Variants in ABLIM2 observed in about 807,000 individuals in gnomAD.
ABLIM2 encodes actin-binding LIM protein 2.
Under a neutral mutation model 97.7 loss-of-function variants are expected in ABLIM2, and 53 were observed. That is an observed-to-expected ratio of 0.54 (90% CI 0.44 to 0.68). The LOEUF (loss-of-function observed/expected upper bound fraction) is 0.68. Among genes scored for constraint, ABLIM2 ranks in the 30% least tolerant of loss-of-function variants. The probability of loss-of-function intolerance (pLI) is 0.00; values close to 1 mark genes in which losing one functional copy is unlikely to be tolerated. For missense variants in ABLIM2, 835 were observed against 867.2 expected (o/e 0.96, Z 0.47); for synonymous variants, 361 against 345.8 (o/e 1.04, Z -0.49).
chr4:8,102,458 C>A (rs1835145064), intron 2 of ABLIM2, among the ~76,000 whole-genome samples: 1 of 152,226 alleles, frequency 6.6e-6, no homozygotes, highest in African/African-American at 2.4e-5. Context: ...TGGTCCCCAT[C>A]CCCATAACGG....
In ABLIM2 at chr4:8,155,506, C is replaced by T. The variant is rs1715008777; in HGVS notation, c.10+3174G>A. Reference sequence around the variant, plus strand: ...TCATGTCCCTTCCAGTTCCATGATCCTAAGAGCAGCATGGAAACAGAAGGC... The same window carrying T: ...TCATGTCCCTTCCAGTTCCATGATCTTAAGAGCAGCATGGAAACAGAAGGC... On this transcript the variant is annotated intron_variant, in intron 1 of 20. Transcript: ENST00000447017. The surrounding 1 kb of genome is among the most constrained non-coding windows in gnomAD (Gnocchi z 4.2). Among the ~76,000 whole-genome samples the T allele has an allele frequency of 6.6e-6, 1 of 152,148 alleles. No homozygotes were observed. Among genetic ancestry groups the T allele is most frequent in the South Asian group, 2.1e-4 (1 of 4,828 alleles).
rs557681653 is a variant in ABLIM2 at position 8,011,541 on chromosome 4, A to T, written c.1424-2439T>A. Among the ~76,000 whole-genome samples the T allele has an allele frequency of 2.6e-4, 40 of 152,326 alleles. No individual in the cohort carries two copies. In the South Asian group the frequency reaches 8.3e-3, roughly 32 times the overall value. ...CACCCCTCCACGTTGTGAGGATCAC[A>T]TGAGATAACCTGCATGGATGCTGGA... On this transcript the variant is annotated intron_variant, in intron 14 of 20. Transcript: ENST00000447017.
chr4:8,064,754 C>T (rs915270823), intron 6 of ABLIM2, among the ~76,000 whole-genome samples: 1 of 152,102 alleles, frequency 6.6e-6, no homozygotes, highest in Non-Finnish European at 1.5e-5. Context: ...GGCTAGGGTG[C>T]CCTTGGGGAC....
chr4:7,970,642 G>T lies in ABLIM2; in HGVS notation c.1825-3539C>A, dbSNP rs1320066. 0.063 allele frequency among the ~76,000 whole-genome samples: 9,520 copies of T among 151,796 alleles called. 517 individuals are homozygous for T. The highest frequency in any genetic ancestry group is 0.19 in the East Asian group (986 of 5,080). ...AGCAGGAAGGCTGGCAGGGTGTTGG[G>T]AGGTGGGTGTGGGAAGCAGAGGTGC... On this transcript the variant is annotated intron_variant, in intron 20 of 20. Coordinates refer to ENST00000447017, the MANE Select transcript of ABLIM2 (RefSeq NM_001130083.2). This position sits in a 1 kb window ranked among gnomAD's most constrained non-coding sequence, Gnocchi z 5.3.
Position 8,150,173 on chromosome 4 carries a change from G to T in ABLIM2, c.10+8507C>A, listed in dbSNP as rs1168808966. ...ATGCTCCTTGGAATTCTTCCTTCTG[G>T]GCACTTCGTGTCCAGCTGCAGCATC... On this transcript the variant is annotated intron_variant, in intron 1 of 20. Transcript: ENST00000447017. The surrounding 1 kb of genome is among the most constrained non-coding windows in gnomAD (Gnocchi z 6.3). 1.3e-5 allele frequency among the ~76,000 whole-genome samples: 2 copies of T among 152,148 alleles called. No homozygotes were observed. Among genetic ancestry groups the T allele is most frequent in the Non-Finnish European group, 2.9e-5 (2 of 68,030 alleles).
At chr4:8,133,548 G>A (rs757212248) in intron 1 of ABLIM2, among the ~76,000 whole-genome samples, 8 of 152,110 alleles carry the variant, frequency 5.3e-5, no homozygotes, top group Non-Finnish European at 7.4e-5. Flanking sequence ...GTCCTCTTTG[G>A]GGCGCACTAG....
chr4:8,060,943 C>T, intron 7 of ABLIM2, 24 bp downstream of exon 7: 1 of 1,553,552 alleles, frequency 6.4e-7, no homozygotes, highest in Non-Finnish European at 8.7e-7. Flanking sequence ...TCTAGGGGAC[C>T]AAACAACACA....
chr4:7,979,649 C>G (rs1466576941), intron 20 of ABLIM2, among the ~76,000 whole-genome samples: 1 of 152,178 alleles, frequency 6.6e-6, no homozygotes, highest in Non-Finnish European at 1.5e-5. Flanking sequence ...AGAGAAGACC[C>G]CTTTCCTCAT....
chr4:8,128,858 C>T lies in ABLIM2; in HGVS notation c.11-22221G>A, dbSNP rs535738337. 2.0e-5 allele frequency among the ~76,000 whole-genome samples: 3 copies of T among 152,278 alleles called. No individual in the cohort carries two copies. Among genetic ancestry groups the T allele is most frequent in the South Asian group, 2.1e-4 (1 of 4,820 alleles). ...ACCACATGAGGGTGCGAGGAAAAGG[C>T]GGCTGTCTGCAGCTCAGAAGAGGGC... On this transcript the variant is annotated intron_variant, in intron 1 of 20. Transcript: ENST00000447017. This position sits in a 1 kb window ranked among gnomAD's most constrained non-coding sequence, Gnocchi z 4.9.
rs200495159 is a variant in ABLIM2 at position 8,032,200 on chromosome 4, G to GAA, written c.1048-2426_1048-2425dup. 5.7e-5 allele frequency among the ~76,000 whole-genome samples: 8 copies of GAA among 139,410 alleles called. No individual in the cohort carries two copies. Among genetic ancestry groups the GAA allele is most frequent in the East Asian group, 2.1e-4 (1 of 4,864 alleles). 91.5% of individuals were successfully genotyped at this position (139,410 alleles called of 152,430 possible). On this transcript the variant is annotated intron_variant, in intron 10 of 20. Transcript: ENST00000447017. This position sits in a 1 kb window ranked among gnomAD's most constrained non-coding sequence, Gnocchi z 4.3. Reference sequence around the variant, plus strand: ...TGTCACTGATTAATTTTGAGAAACAGAAAAAAAAAAAAAAAACTAGACCAC... The same window carrying GAA: ...TGTCACTGATTAATTTTGAGAAACAGAAAAAAAAAAAAAAAAAACTAGACCAC...
intron 1 of ABLIM2, among the ~76,000 whole-genome samples, chr4:8,118,996 G>A (rs1294672087): frequency 6.6e-6 from 1 of 152,174 alleles, no homozygotes; most frequent in African/African-American, 2.4e-5. Context: ...CACTGATGGG[G>A]TGACCTTGAG....
intron 1 of ABLIM2, among the ~76,000 whole-genome samples, chr4:8,107,695 T>C (rs1838173548): frequency 6.6e-6 from 1 of 152,198 alleles, no homozygotes; most frequent in Non-Finnish European, 1.5e-5. Context: ...GGCAGAACAA[T>C]GCTCCCAAGA....
chr4:8,036,943 C>T (rs1784843609), intron 9 of ABLIM2, among the ~76,000 whole-genome samples: 1 of 152,082 alleles, frequency 6.6e-6, no homozygotes, highest in Non-Finnish European at 1.5e-5. Context: ...CTCAAATCCC[C>T]AAATCCTCAT....
At chr4:7,974,208 CACCT>C (rs1214906675) in intron 20 of ABLIM2, among the ~76,000 whole-genome samples, 1 of 151,918 alleles carries the variant, frequency 6.6e-6, no homozygotes, top group African/African-American at 2.4e-5. Context: ...TCCATCCACC[CACCT>C]ACCTACCCAT....
Position 8,147,899 on chromosome 4 carries a change from G to A in ABLIM2, c.10+10781C>T, listed in dbSNP as rs1342473804. Among the ~76,000 whole-genome samples, 1 of 152,216 alleles carries A rather than the reference G, an allele frequency of 6.6e-6. No homozygotes were observed. The highest frequency in any genetic ancestry group is 1.5e-5 in the Non-Finnish European group (1 of 68,040). ...GGTTGTGCCATCTTCCCTGAGCGAGGCACGGACCTGCACAAAACCCTTTCT... is the reference window on the plus strand; with the variant it reads ...GGTTGTGCCATCTTCCCTGAGCGAGACACGGACCTGCACAAAACCCTTTCT... On this transcript the variant is annotated intron_variant, in intron 1 of 20. Transcript: ENST00000447017. The surrounding 1 kb of genome is among the most constrained non-coding windows in gnomAD (Gnocchi z 5.3).
intron 12 of ABLIM2, among the ~76,000 whole-genome samples, chr4:8,025,485 G>T (rs1387857173): frequency 6.6e-6 from 1 of 152,174 alleles, no homozygotes; most frequent in Non-Finnish European, 1.5e-5. Context: ...CTGCTACAAG[G>T]CGTGGAAGGA....
rs376609571 is a variant in ABLIM2, at chr4:8,054,437, G to A, written c.764-191C>T. Among the ~76,000 whole-genome samples the A allele has an allele frequency of 6.6e-6, 1 of 152,210 alleles. No individual in the cohort carries two copies. The highest frequency in any genetic ancestry group is 6.5e-5 in the Admixed American group (1 of 15,280). On this transcript the variant is annotated intron_variant, in intron 7 of 20. Transcript: ENST00000447017. This position sits in a 1 kb window ranked among gnomAD's most constrained non-coding sequence, Gnocchi z 4.9. ...AGGGGGTACCCAGATCACAGTCCCC[G>A]CCCCTCAGGGGCTCACAGCCCAGTT... is the stretch of plus-strand genomic sequence containing the variant.
intron 10 of ABLIM2, 116 bp downstream of exon 10, chr4:8,036,033 G>A (rs1579332220): frequency 7.9e-7 from 1 of 1,267,948 alleles, no homozygotes; most frequent in African/African-American, 1.5e-5. Flanking sequence ...GTGTGGGTGA[G>A]TGGTGAAGAT....
At chr4:8,158,094 C>A (rs188277938) in intron 1 of ABLIM2, among the ~76,000 whole-genome samples, 4 of 152,314 alleles carry the variant, frequency 2.6e-5, no homozygotes, top group Non-Finnish European at 4.4e-5. Context: ...GGCAGGGGTG[C>A]GACGCGCAGG....
Sources: allele counts gnomAD v4.1 joint callset (sites outside exome capture counted in the v4.1 genomes callset), GRCh38; gene constraint gnomAD v4.1.1; non-coding constraint Gnocchi (gnomAD v3.1); transcripts MANE v1.5; gene names NCBI Gene and HGNC (gene_info 2026-07-23, HGNC 2026-07-21).